The following VPS13D variants were observed in gnomAD, a reference collection of about 807,000 sequenced individuals.
VPS13D encodes the protein vacuolar protein sorting 13 homolog D.
VPS13D carries 187 observed loss-of-function variants against 461.9 expected under a neutral mutation model. The observed-to-expected ratio is 0.40, with a 90% CI of 0.36 to 0.46. The LOEUF (loss-of-function observed/expected upper bound fraction) is 0.46, where lower values mean the gene tolerates loss of function less well. Among genes scored for constraint, VPS13D ranks in the 20% least tolerant of loss-of-function variants. The pLI is 0.60. For missense variants in VPS13D, 4,711 were observed against 5,364.9 expected (o/e 0.88, Z 3.81); for synonymous variants, 1,951 against 1,986.3 (o/e 0.98, Z 0.47).
At chr1:12,316,622 T>A (rs1294423880) in intron 30 of VPS13D, among the ~76,000 whole-genome samples, 6 of 152,190 alleles carry the variant, frequency 3.9e-5, no homozygotes, top group African/African-American at 1.4e-4. Context: ...GCTGCCCTTT[T>A]ACTAGAGGCA....
At position 12,277,850 on chromosome 1, in the gene VPS13D, G is replaced by A. The variant is rs184947059; in HGVS notation, c.4262G>A (p.Arg1421His). 2.6e-5 allele frequency: 42 copies of A among 1,614,104 alleles called. No homozygotes were observed. The highest frequency in any genetic ancestry group is 8.3e-5 in the Admixed American group (5 of 60,026). The change falls in exon 19 of 70, where the codon CGT becomes CAT. Residue 1421 changes from arginine to histidine, a missense_variant. Physicochemically the swap from Arg to His is conservative, Grantham distance 29 (BLOSUM62 0). Around this residue, in one of 3 missense-constraint regions of VPS13D, gnomAD observed 4,411 missense variants for 4,937.8 expected, o/e 0.89. Transcript: ENST00000620676. ...VAGDDESRSD[R>H]LQVEIKDIKL... is the part of the protein sequence containing the mutation. ...GGAGATGATGAATCCAGAAGTGACC[G>A]TCTGCAGGTGGAAATCAAGGACATT...
Position 12,400,286 on chromosome 1 carries a change from G to T in VPS13D, c.11740G>T (p.Ala3914Ser), listed in dbSNP as rs757733968. The change falls in exon 61 of 70, where the codon GCA (alanine) becomes TCA (serine). Residue 3914 changes from alanine to serine, a missense_variant. Coordinates refer to ENST00000620676, the MANE Select transcript of VPS13D (RefSeq NM_015378.4). ...GACCGGCCCAGCTGTGCAAGTCAACGCAGTGAAGTTCCCCAGTAAGAGTGC... is the reference window on the plus strand; with the variant it reads ...GACCGGCCCAGCTGTGCAAGTCAACTCAGTGAAGTTCCCCAGTAAGAGTGC... ...IETGPAVQVNAVKFPSKSALT... is the reference protein window; with the variant it reads ...IETGPAVQVNSVKFPSKSALT... 1 of 1,614,160 alleles carries T rather than the reference G, an allele frequency of 6.2e-7. No individual in the cohort carries two copies. The highest frequency in any genetic ancestry group is 1.1e-5 in the South Asian group (1 of 91,074).
intron 67 of VPS13D, among the ~76,000 whole-genome samples, chr1:12,463,973 A>G (rs564856195): frequency 3.9e-4 from 59 of 152,372 alleles, no homozygotes; most frequent in African/African-American, 1.3e-3. Context: ...ATAAAGAACT[A>G]TAAAAATGCT....
chr1:12,449,719 A>T (rs1645237595), intron 65 of VPS13D, among the ~76,000 whole-genome samples: 1 of 152,218 alleles, frequency 6.6e-6, no homozygotes, highest in Non-Finnish European at 1.5e-5. Context: ...AGCAGAGTTG[A>T]AAATGACTCT....
intron 33 of VPS13D, among the ~76,000 whole-genome samples, chr1:12,322,318 A>T (rs1459527688): frequency 2.0e-5 from 3 of 152,086 alleles, no homozygotes; most frequent in African/African-American, 7.2e-5. Flanking sequence ...CGCCCGCTAC[A>T]TGGTGCAGTT....
intron 68 of VPS13D, among the ~76,000 whole-genome samples, chr1:12,501,976 G>T (rs1487905838): frequency 6.6e-6 from 1 of 152,178 alleles, no homozygotes; most frequent in Non-Finnish European, 1.5e-5. Context: ...GGAATTTGGG[G>T]TCAGCTTTTT....
chr1:12,389,375 C>T (rs1486619747), intron 60 of VPS13D, among the ~76,000 whole-genome samples: 1 of 152,172 alleles, frequency 6.6e-6, no homozygotes, highest in Non-Finnish European at 1.5e-5. Flanking sequence ...CCTTTGTCAA[C>T]TGCCGAGATT....
At chr1:12,494,550 C>T (rs954831586) in intron 67 of VPS13D, among the ~76,000 whole-genome samples, 2 of 152,184 alleles carry the variant, frequency 1.3e-5, no homozygotes, top group African/African-American at 4.8e-5. Context: ...CAGAAACAAG[C>T]CATCTTTCGT....
intron 67 of VPS13D, among the ~76,000 whole-genome samples, chr1:12,490,451 C>T (rs910110431): frequency 7.2e-5 from 11 of 152,200 alleles, no homozygotes; most frequent in Non-Finnish European, 1.5e-5. Flanking sequence ...CTAATAGAGT[C>T]TTCTCTGATT....
intron 19 of VPS13D, among the ~76,000 whole-genome samples, chr1:12,278,370 A>G (rs1221578800): frequency 1.3e-5 from 2 of 152,118 alleles, no homozygotes; most frequent in Non-Finnish European, 2.9e-5. Context: ...TCCCAGGTTC[A>G]AGTGATTCTC....
intron 65 of VPS13D, among the ~76,000 whole-genome samples, chr1:12,455,560 G>A (rs1645314593): frequency 6.6e-6 from 1 of 151,678 alleles, no homozygotes; most frequent in Non-Finnish European, 1.5e-5. Context: ...CAGTCCTTTT[G>A]AGAACCACTC....
intron 67 of VPS13D, among the ~76,000 whole-genome samples, chr1:12,470,938 C>T (rs1318621634): frequency 6.6e-6 from 1 of 152,030 alleles, no homozygotes; most frequent in East Asian, 1.9e-4. Flanking sequence ...GCTAATGATC[C>T]TTTGATTTTT....
At chr1:12,269,877 A>G (rs190123510) in intron 16 of VPS13D, among the ~76,000 whole-genome samples, 7 of 152,304 alleles carry the variant, frequency 4.6e-5, no homozygotes, top group Admixed American at 2.6e-4. Context: ...GCCAGGCACA[A>G]TGGTTCATAC....
intron 33 of VPS13D, among the ~76,000 whole-genome samples, chr1:12,322,296 C>T (rs12069644): frequency 1.3e-5 from 2 of 151,922 alleles, no homozygotes; most frequent in Admixed American, 6.6e-5. Context: ...TCGATCTCCT[C>T]ACCTCGTGAT....
chr1:12,262,249 A>G (rs987733443), intron 13 of VPS13D, among the ~76,000 whole-genome samples, 169 bp downstream of exon 13: 1 of 151,982 alleles, frequency 6.6e-6, no homozygotes, highest in African/African-American at 2.4e-5. Context: ...GTTCATGTGA[A>G]CCTCTGGTCA....
Position 12,474,253 on chromosome 1 carries a change from G to A in VPS13D, c.12662+13857G>A, listed in dbSNP as rs553999229. On this transcript the variant is annotated intron_variant, in intron 67 of 69. Coordinates refer to ENST00000620676, the MANE Select transcript of VPS13D (RefSeq NM_015378.4). ...GTTTCAGGCCACCGTGGCTCATCCA[G>A]CTCTTTTGATAAACAGCTTTAAAAG... Among the ~76,000 whole-genome samples the A allele has an allele frequency of 1.1e-4, 17 of 152,246 alleles. No individual in the cohort carries two copies. In the South Asian group the frequency reaches 3.5e-3, roughly 32 times the overall value.
At chr1:12,319,091 A>G (rs1642963442) in intron 31 of VPS13D, among the ~76,000 whole-genome samples, 1 of 152,232 alleles carries the variant, frequency 6.6e-6, no homozygotes, top group African/African-American at 2.4e-5. Context: ...AGCTACTTAG[A>G]TGCATAGTGC....
chr1:12,385,575 G>GT (rs1417733465), intron 59 of VPS13D, among the ~76,000 whole-genome samples: 2 of 152,218 alleles, frequency 1.3e-5, no homozygotes, highest in Admixed American at 6.5e-5. Flanking sequence ...TCAGCATGTA[G>GT]TAAGCATTGC....
chr1:12,426,306 T>C (rs1356873969), intron 65 of VPS13D, among the ~76,000 whole-genome samples: 2 of 152,328 alleles, frequency 1.3e-5, no homozygotes, highest in East Asian at 1.9e-4. Context: ...TGGTATGAGC[T>C]GACAGTGAGC....
Sources: allele counts gnomAD v4.1 joint callset (sites outside exome capture counted in the v4.1 genomes callset), GRCh38; gene constraint gnomAD v4.1.1; regional missense constraint gnomAD v4.1.1; transcripts MANE v1.5; gene names NCBI Gene and HGNC (gene_info 2026-07-23, HGNC 2026-07-21).